ANKFN1: variants seen among roughly 807,000 people sequenced by gnomAD.
The protein encoded by ANKFN1 is ankyrin repeat and fibronectin type III domain containing 1.
ANKFN1 carries 74 observed loss-of-function variants against 108.7 expected under a neutral mutation model. The ratio of observed to expected loss-of-function variants is 0.68; its 90% CI spans 0.56 to 0.83. The LOEUF is 0.83. ANKFN1 is among the 40% of genes least tolerant of loss of function. ANKFN1 has a pLI of 0.00. For synonymous variants in ANKFN1, 547 were observed against 516.2 expected (o/e 1.06, Z -0.81); for missense variants, 1,505 against 1,382.3 (o/e 1.09, Z -1.41).
chr17:56,259,919 C>CACACAT (rs1567869281), intron 3 of ANKFN1, among the ~76,000 whole-genome samples: 3 of 150,752 alleles, frequency 2.0e-5, no homozygotes, highest in Non-Finnish European at 4.4e-5. Flanking sequence ...AACACACACA[C>CACACAT]ACACACACAC....
At chr17:56,496,881 A>G (rs965633668) in intron 19 of ANKFN1, among the ~76,000 whole-genome samples, 10 of 152,142 alleles carry the variant, frequency 6.6e-5, no homozygotes, top group African/African-American at 2.4e-4. Context: ...TGAAAATTTT[A>G]TAATATGTAA....
chr17:56,091,313 G>A (rs950417516), intron 4 of ANKFN1, among the ~76,000 whole-genome samples: 1 of 150,992 alleles, frequency 6.6e-6, no homozygotes, highest in Non-Finnish European at 1.5e-5. Context: ...TAAGGTCATT[G>A]AGTAAAATTG....
chr17:56,373,676 G>T (rs2046871676), intron 7 of ANKFN1, among the ~76,000 whole-genome samples: 1 of 152,136 alleles, frequency 6.6e-6, no homozygotes, highest in Admixed American at 6.5e-5. Flanking sequence ...ACCAAATCTA[G>T]GCCTAATCCT....
chr17:56,263,347 TGGTGGTCTTTTATACCAG>T (rs761815502), intron 3 of ANKFN1, among the ~76,000 whole-genome samples: 1 of 152,112 alleles, frequency 6.6e-6, no homozygotes, highest in Non-Finnish European at 1.5e-5. Context: ...GACTAGAGAG[TGGTGGTCTTTTATACCAG>T]GGTGGTCTGA....
intron 8 of ANKFN1, among the ~76,000 whole-genome samples, chr17:56,382,641 A>C (rs1306333704): frequency 2.6e-5 from 4 of 152,198 alleles, no homozygotes; most frequent in Non-Finnish European, 4.4e-5. Flanking sequence ...AAGATCTACC[A>C]AGCAAATGGA....
chr17:56,178,747 T>C (rs1002475912), intron 1 of ANKFN1, among the ~76,000 whole-genome samples: 7 of 152,160 alleles, frequency 4.6e-5, no homozygotes, highest in Non-Finnish European at 8.8e-5. Flanking sequence ...GCGTTTCATT[T>C]ACCTGGTTTT....
chr17:56,492,252 C>A lies in ANKFN1; in HGVS notation c.2326C>A (p.Leu776Met), dbSNP rs571476419. The change falls in exon 19 of 21, where the codon CTG becomes ATG. Residue 776 changes from leucine (L) to methionine (M), a missense_variant. Coordinates refer to ENST00000682825, the MANE Select transcript of ANKFN1 (RefSeq NM_001370326.1). Reference protein sequence around the residue: ...LYCRLSAVVELDSLNTQQSLR... With the variant: ...LYCRLSAVVEMDSLNTQQSLR... ...TTGCCGCCTTTCTGCTGTTGTGGAG[C>A]TGGATTCTCTGAACACCCAACAGTC... The A allele has an allele frequency of 1.4e-5, 10 of 702,542 alleles. No homozygotes were observed. The highest frequency in any genetic ancestry group is 8.7e-5 in the African/African-American group (5 of 57,312). The allele number at this position is 702,542 out of a possible 1,614,324, so 43.5% of individuals were successfully genotyped here. A position where few individuals can be genotyped will look rare whatever the true frequency, so the allele number is the denominator to read the frequency against.
chr17:56,282,391 T>C (rs2044107632), intron 3 of ANKFN1, among the ~76,000 whole-genome samples: 1 of 152,064 alleles, frequency 6.6e-6, no homozygotes, highest in Admixed American at 6.5e-5. Flanking sequence ...GGGGTGTGGG[T>C]TACATAGGTA....
chr17:56,332,591 G>T (rs1001979362), intron 4 of ANKFN1, among the ~76,000 whole-genome samples: 2 of 152,082 alleles, frequency 1.3e-5, no homozygotes, highest in African/African-American at 4.8e-5. Flanking sequence ...TTTCAGAGAT[G>T]AATTGATCAT....
At chr17:56,243,705 C>T (rs2144016134) in intron 3 of ANKFN1, among the ~76,000 whole-genome samples, 1 of 152,230 alleles carries the variant, frequency 6.6e-6, no homozygotes, top group South Asian at 2.1e-4. Flanking sequence ...TCACCCCCAT[C>T]CCATCCCCTG....
At chr17:56,428,462 CTTTTTT>C (rs1183827202) in intron 8 of ANKFN1, among the ~76,000 whole-genome samples, 1 of 133,294 alleles carries the variant, frequency 7.5e-6, no homozygotes, top group African/African-American at 2.8e-5. Context: ...AGCTTTTTTT[CTTTTTT>C]TTTTTTTTTT....
intron 4 of ANKFN1, among the ~76,000 whole-genome samples, chr17:56,328,241 T>G (rs1464593399): frequency 2.9e-4 from 44 of 152,178 alleles, no homozygotes; most frequent in Admixed American, 2.9e-3. Context: ...ATGGCAACTT[T>G]CAGTTGCTCA....
intron 8 of ANKFN1, among the ~76,000 whole-genome samples, chr17:56,401,055 G>T (rs988500819): frequency 6.6e-6 from 1 of 152,068 alleles, no homozygotes; most frequent in Non-Finnish European, 1.5e-5. Flanking sequence ...GCTTAGTCTT[G>T]CTTTGGCTAT....
In ANKFN1 at chr17:56,108,224, C is replaced by T. The variant is rs566694040; in HGVS notation, c.288+61899C>T. ...CTAATTTTTGTATTTTTAGTAGAGA[C>T]GGGGTTTCACCACATTGGCCAGGAT... On this transcript the variant is annotated intron_variant, in intron 4 of 12. Transcript: ENST00000635860. Among the ~76,000 whole-genome samples the T allele has an allele frequency of 3.9e-5, 6 of 152,220 alleles. No homozygotes were observed. The East Asian group carries it at 9.7e-4, about 25-fold the overall frequency.
intron 4 of ANKFN1, among the ~76,000 whole-genome samples, chr17:56,098,632 T>G (rs1329015033): frequency 6.6e-6 from 1 of 152,184 alleles, no homozygotes; most frequent in Non-Finnish European, 1.5e-5. Flanking sequence ...AGAAAAGCAC[T>G]TGGATCAAAG....
chr17:56,383,105 AG>A, intron 8 of ANKFN1, among the ~76,000 whole-genome samples: 1 of 152,366 alleles, frequency 6.6e-6, no homozygotes, highest in African/African-American at 2.4e-5. Context: ...CAAATGTAAA[AG>A]AATAGAAATT....
chr17:56,158,532 G>T (rs1277727814), intron 1 of ANKFN1, among the ~76,000 whole-genome samples: 1 of 152,178 alleles, frequency 6.6e-6, no homozygotes, highest in African/African-American at 2.4e-5. Flanking sequence ...GCCACTGGGG[G>T]CTTGGACAAA....
At chr17:56,472,842 GT>G (rs1265660810) in intron 15 of ANKFN1, 1 of 152,096 alleles carries the variant, frequency 6.6e-6, no homozygotes, top group African/African-American at 2.4e-5. Flanking sequence ...CATGAGGGTA[GT>G]TAAGTTAACC....
chr17:56,078,742 T>C (rs539664757), intron 4 of ANKFN1, among the ~76,000 whole-genome samples: 1 of 152,154 alleles, frequency 6.6e-6, no homozygotes, highest in African/African-American at 2.4e-5. Flanking sequence ...CCAAAATGTA[T>C]CTCTGGAATA....
Sources: gnomAD v4.1 joint callset for allele counts (sites outside exome capture counted in the v4.1 genomes callset) on GRCh38, gnomAD v4.1.1 for gene constraint, MANE v1.5 for transcripts, NCBI Gene and HGNC (gene_info 2026-07-23, HGNC 2026-07-21) for gene names.